The following ABCA12 variants were observed in gnomAD, a reference collection of about 807,000 sequenced individuals.
ABCA12 encodes the protein glucosylceramide transporter ABCA12.
ABCA12 carries 156 observed loss-of-function variants against 293.5 expected under a neutral mutation model. The observed-to-expected ratio is 0.53, with a 90% CI of 0.47 to 0.61. The LOEUF (loss-of-function observed/expected upper bound fraction) is 0.61. Ranked by LOEUF, ABCA12 falls within the 20% of genes least tolerant of loss-of-function variation. The probability of loss-of-function intolerance (pLI) is 0.00; values close to 1 mark genes in which losing one functional copy is unlikely to be tolerated. For synonymous variants in ABCA12, 1,063 were observed against 1,108.0 expected (o/e 0.96, Z 0.81); for missense variants, 2,797 against 3,090.2 (o/e 0.91, Z 2.25).
In ABCA12 at chr2:214,963,098, A is replaced by C. The variant is rs554246617; in HGVS notation, c.5884+3750T>G. 5 of 152,216 alleles carry C rather than the reference A, an allele frequency of 3.3e-5. No individual in the cohort carries two copies. The East Asian group carries it at 7.7e-4, about 23-fold the overall frequency. 9.4% of individuals were successfully genotyped at this position (152,216 alleles called of 1,614,324 possible). ...GCTGAACTGAAGGAGATAGAGACAC[A>C]AAAAATCCTTAAAAAAATCAACGAA... On this transcript the variant is annotated intron_variant, in intron 39 of 52. Coordinates refer to ENST00000272895, the MANE Select transcript of ABCA12 (RefSeq NM_173076.3).
In ABCA12 at chr2:214,945,055, T is replaced by C; in HGVS notation, c.7289A>G (p.Lys2430Arg). The C allele has an allele frequency of 6.2e-7, 1 of 1,613,844 alleles. No homozygotes were observed. The highest frequency in any genetic ancestry group is 1.1e-5 in the South Asian group (1 of 91,054). ...GTTCTGTACTTCTTCTGAAATGATC[T>C]TCCAGAGGTGCCGTTTCGACTTCGG... Reference protein sequence around the residue: ...MDPKSKRHLWKIISEEVQNKC... With the variant: ...MDPKSKRHLWRIISEEVQNKC... Residue 2430 changes from lysine to arginine, a missense_variant, in exon 49 of 53, where the codon AAG (lysine) becomes AGG (arginine). This residue lies in a region of ABCA12 where 2,130 missense variants were observed against 2,427.0 expected (regional missense o/e 0.88). Coordinates refer to ENST00000272895, the MANE Select transcript of ABCA12 (RefSeq NM_173076.3).
At chr2:215,046,392 T>C (rs1439051529) in intron 6 of ABCA12, among the ~76,000 whole-genome samples, 1 of 149,994 alleles carries the variant, frequency 6.7e-6, no homozygotes, top group African/African-American at 2.4e-5. Context: ...CTATACTTAT[T>C]ACTAGGTGTT....
At chr2:215,104,035 T>A (rs1415517989) in intron 2 of ABCA12, among the ~76,000 whole-genome samples, 1 of 152,190 alleles carries the variant, frequency 6.6e-6, no homozygotes, top group East Asian at 1.9e-4. Flanking sequence ...TCATCTTTAC[T>A]TATCGGATAG....
chr2:214,999,028 A>G (rs1364152497), intron 22 of ABCA12, among the ~76,000 whole-genome samples: 3 of 152,306 alleles, frequency 2.0e-5, no homozygotes, highest in South Asian at 2.1e-4. Flanking sequence ...ATCATTCAGT[A>G]TCACTTTAGC....
intron 1 of ABCA12, among the ~76,000 whole-genome samples, chr2:215,122,752 T>C (rs1052332388): frequency 6.6e-6 from 1 of 152,226 alleles, no homozygotes; most frequent in Non-Finnish European, 1.5e-5. Flanking sequence ...CTGTTGAAAT[T>C]TGAAGTCACT....
chr2:215,025,758 G>A lies in ABCA12; in HGVS notation c.1202C>T (p.Ser401Phe). Residue 401 changes from serine (S) to phenylalanine (F), a missense_variant, in exon 11 of 53, where the codon TCC becomes TTC. Ser to Phe is a radical substitution (Grantham distance 155). This residue lies in a region of ABCA12 where 656 missense variants were observed against 638.2 expected (regional missense o/e 1.03). Coordinates refer to ENST00000272895, the MANE Select transcript of ABCA12 (RefSeq NM_173076.3). ...GSPENLRLLQ[S>F]TIRFKKSFLR... is the part of the protein sequence containing the mutation. ...AAAAGATTTTTTAAATCGTATTGTGGACTGCAGGAGTCTTAGATTTTCTGT... is the reference window on the plus strand; with the variant it reads ...AAAAGATTTTTTAAATCGTATTGTGAACTGCAGGAGTCTTAGATTTTCTGT... The A allele has an allele frequency of 6.2e-7, 1 of 1,612,226 alleles. No homozygotes were observed. Among genetic ancestry groups the A allele is most frequent in the Non-Finnish European group, 8.5e-7 (1 of 1,178,772 alleles).
In ABCA12 at chr2:214,978,338, G is replaced by A. The variant is rs537565432; in HGVS notation, c.5106C>T (p.Ser1702=). 1.2e-5 allele frequency: 20 copies of A among 1,613,972 alleles called. No individual in the cohort carries two copies. The Admixed American group carries it at 2.0e-4, about 16-fold the overall frequency. The change falls in exon 33 of 53, where the codon AGC becomes AGT. Residue 1702 remains serine (S), a synonymous_variant. Transcript: ENST00000272895. ...ISTPDDLSVS[S]SNFTDRDDKI... ...TACCATCTCTGTCTGTGAAATTGCT[G>A]CTGCTCACAGATAAATCGTCAGGAG...
intron 52 of ABCA12, among the ~76,000 whole-genome samples, chr2:214,933,069 T>G (rs1698109494): frequency 6.6e-6 from 1 of 152,134 alleles, no homozygotes; most frequent in Non-Finnish European, 1.5e-5. Context: ...TACATCAATA[T>G]CTCTATCAGG....
chr2:214,980,733 A>C, intron 30 of ABCA12, 90 bp from the exon 31 acceptor site: 1 of 1,487,328 alleles, frequency 6.7e-7, no homozygotes, highest in Non-Finnish European at 9.4e-7. Flanking sequence ...ATCCTGTGAC[A>C]TCTGAGAAGA....
intron 50 of ABCA12, 49 bp from the exon 51 acceptor site, chr2:214,937,664 T>C (rs1190983510): frequency 7.2e-7 from 1 of 1,381,370 alleles, no homozygotes; most frequent in Non-Finnish European, 1.0e-6. Flanking sequence ...TTTGCTGAAA[T>C]AGCTCCTCTG....
intron 1 of ABCA12, among the ~76,000 whole-genome samples, chr2:215,132,990 T>G (rs1703093659): frequency 6.6e-6 from 1 of 151,900 alleles, no homozygotes; most frequent in Admixed American, 6.6e-5. Flanking sequence ...AAGCTCAGTT[T>G]GGCAGGATAT....
intron 2 of ABCA12, chr2:215,075,410 T>C: frequency 1.7e-6 from 1 of 572,406 alleles, no homozygotes; most frequent in Non-Finnish European, 3.1e-6. Context: ...CCCGGAACTA[T>C]ATATTGGCAA....
At chr2:214,947,963 G>T in intron 47 of ABCA12, 2 of 255,246 alleles carry the variant, frequency 7.8e-6, no homozygotes, top group Non-Finnish European at 1.5e-5. Context: ...TTGTCACAAA[G>T]GCTTTCAATC....
chr2:215,055,946 A>T, intron 3 of ABCA12, among the ~76,000 whole-genome samples: 1 of 151,198 alleles, frequency 6.6e-6, no homozygotes, highest in South Asian at 2.1e-4. Flanking sequence ...AAGTTTTAGA[A>T]AGTTTGAGAA....
intron 1 of ABCA12, among the ~76,000 whole-genome samples, chr2:215,116,684 A>G (rs1442945812): frequency 6.6e-6 from 1 of 152,244 alleles, no homozygotes; most frequent in Non-Finnish European, 1.5e-5. Flanking sequence ...TGGAGTATGT[A>G]CCTACAAAAT....
intron 30 of ABCA12, 98 bp downstream of exon 30, chr2:214,982,089 G>A: frequency 7.9e-7 from 1 of 1,273,766 alleles, no homozygotes; most frequent in Admixed American, 1.8e-5. Context: ...TGGGATTATA[G>A]GCGTGAGCCA....
intron 19 of ABCA12, among the ~76,000 whole-genome samples, chr2:215,006,814 C>G (rs1044685806): frequency 2.0e-5 from 3 of 150,302 alleles, no homozygotes; most frequent in African/African-American, 7.4e-5. Flanking sequence ...GCCAATATCT[C>G]TGTGATTGGA....
Position 215,088,866 on chromosome 2 carries a change from G to C in ABCA12, c.163+22731C>G, listed in dbSNP as rs1244342943. Among the ~76,000 whole-genome samples the C allele has an allele frequency of 2.0e-5, 3 of 151,938 alleles. No homozygotes were observed. In the East Asian group the frequency reaches 5.8e-4, roughly 29 times the overall value. ...ACAGTGTCTCCTGGAATGAGCTTTA[G>C]TAGCAAAAAAGGGTTAATTTTTTTT... On this transcript the variant is annotated intron_variant, in intron 2 of 52. Transcript: ENST00000272895.
At chr2:214,971,918 A>G (rs1699394157) in intron 36 of ABCA12, among the ~76,000 whole-genome samples, 1 of 152,210 alleles carries the variant, frequency 6.6e-6, no homozygotes, top group African/African-American at 2.4e-5. Flanking sequence ...GTTAACACTT[A>G]GAATTTTTCC....
Sources: allele counts gnomAD v4.1 joint callset (sites outside exome capture counted in the v4.1 genomes callset), GRCh38; gene constraint gnomAD v4.1.1; regional missense constraint gnomAD v4.1.1; transcripts MANE v1.5; gene names NCBI Gene and HGNC (gene_info 2026-07-23, HGNC 2026-07-21).